The following LARGE1 variants were observed in gnomAD, a reference collection of about 807,000 sequenced individuals.
LARGE1 encodes xylosyl- and glucuronyltransferase LARGE1.
A neutral mutation model predicts 87.6 loss-of-function variants in LARGE1; 43 were observed. The observed-to-expected ratio is 0.49, with a 90% CI of 0.38 to 0.63. The LOEUF (loss-of-function observed/expected upper bound fraction) is 0.63, where lower values mean the gene tolerates loss of function less well. Ranked by LOEUF, LARGE1 falls within the 30% of genes least tolerant of loss-of-function variation. The pLI, the probability that LARGE1 is intolerant of heterozygous loss-of-function variation, is 0.00. For synonymous variants in LARGE1, 434 were observed against 394.6 expected (o/e 1.10, Z -1.18); for missense variants, 802 against 1,000.2 (o/e 0.80, Z 2.67).
At chr22:33,651,409 A>AG (rs1363317602) in intron 2 of LARGE1, among the ~76,000 whole-genome samples, 3 of 149,936 alleles carry the variant, frequency 2.0e-5, no homozygotes, top group Admixed American at 6.6e-5. Context: ...AAAAAAAAAA[A>AG]AGAAAAAAGA....
the LARGE1 span, among the ~76,000 whole-genome samples, chr22:33,147,444 GTGAGTT>G: frequency 6.6e-6 from 1 of 152,032 alleles, no homozygotes; most frequent in Non-Finnish European, 1.5e-5. Flanking sequence ...AACCATTTTG[GTGAGTT>G]TATAGAGTAT....
chr22:33,457,708 C>T (rs1417548991), intron 6 of LARGE1, among the ~76,000 whole-genome samples: 1 of 151,672 alleles, frequency 6.6e-6, no homozygotes, highest in Non-Finnish European at 1.5e-5. Context: ...TTTTTTTGCA[C>T]CTGAGGGAGC....
intron 1 of LARGE1, among the ~76,000 whole-genome samples, chr22:33,777,169 G>A (rs1217600056): frequency 6.6e-6 from 1 of 152,090 alleles, no homozygotes; most frequent in Non-Finnish European, 1.5e-5. Context: ...TGAAAGGCTG[G>A]AACCACACAG....
At chr22:33,914,523 T>C (rs964219755) in intron 1 of LARGE1, among the ~76,000 whole-genome samples, 8 of 152,234 alleles carry the variant, frequency 5.3e-5, no homozygotes, top group African/African-American at 1.9e-4. Flanking sequence ...CAGTGTAACA[T>C]TTCAGAACTA....
intron 5 of LARGE1, among the ~76,000 whole-genome samples, chr22:33,588,084 C>A (rs761797411): frequency 6.6e-6 from 1 of 152,156 alleles, no homozygotes; most frequent in East Asian, 1.9e-4. Flanking sequence ...AATGAAACAG[C>A]CTCAAAATTC....
chr22:33,209,647 G>A (rs5998809), intron 11 of LARGE1, among the ~76,000 whole-genome samples: 3,360 of 152,056 alleles, frequency 0.022, 131 homozygotes, highest in African/African-American at 0.077. Flanking sequence ...GTTCTCAATC[G>A]TTTCTTTTAA....
At chr22:33,787,958 A>G (rs1279086164) in intron 1 of LARGE1, among the ~76,000 whole-genome samples, 1 of 152,190 alleles carries the variant, frequency 6.6e-6, no homozygotes, top group Non-Finnish European at 1.5e-5. Context: ...GATGTGGCCA[A>G]ACACTATAAA....
At chr22:33,698,000 C>T (rs911157252) in intron 2 of LARGE1, among the ~76,000 whole-genome samples, 10 of 152,200 alleles carry the variant, frequency 6.6e-5, no homozygotes, top group Non-Finnish European at 1.2e-4. Flanking sequence ...ACTCAACTCA[C>T]CGCAGTAAAC....
At chr22:33,395,725 A>G (rs2065717550) in intron 7 of LARGE1, among the ~76,000 whole-genome samples, 1 of 152,234 alleles carries the variant, frequency 6.6e-6, no homozygotes, top group African/African-American at 2.4e-5. Flanking sequence ...AATGAGGTTC[A>G]GAGGAAGTTT....
intron 2 of LARGE1, among the ~76,000 whole-genome samples, chr22:33,705,114 G>A (rs374555850): frequency 3.9e-5 from 6 of 152,096 alleles, no homozygotes; most frequent in African/African-American, 1.4e-4. Flanking sequence ...AAAGCTACAC[G>A]TCTCATGCGT....
intron 6 of LARGE1, among the ~76,000 whole-genome samples, chr22:33,448,523 C>T (rs918577157): frequency 1.1e-4 from 16 of 152,220 alleles, no homozygotes; most frequent in Non-Finnish European, 2.2e-4. Flanking sequence ...AGGACACAGT[C>T]TTCAGAGCTC....
At chr22:33,310,257 C>T (rs767929021) in intron 11 of LARGE1, among the ~76,000 whole-genome samples, 5 of 152,332 alleles carry the variant, frequency 3.3e-5, no homozygotes, top group Non-Finnish European at 4.4e-5. Context: ...CTCTCCTTTA[C>T]TCAGAGAGAG....
rs530563656 is a variant in LARGE1, at chr22:33,655,720, C to T, written c.107-5052G>A. Among the ~76,000 whole-genome samples, 8 of 152,248 alleles carry T rather than the reference C, an allele frequency of 5.3e-5. No homozygotes were observed. In the East Asian group the frequency reaches 1.5e-3, roughly 29 times the overall value. On this transcript the variant is annotated intron_variant, in intron 2 of 14. Coordinates refer to ENST00000397394, the MANE Select transcript of LARGE1 (RefSeq NM_133642.5). The stretch of plus-strand genomic sequence containing the variant: ...GTCTCCATCCCCAGGTCCTGGCATG[C>T]TCCCTATACTTAGCAAGCATTTGAG...
At position 33,854,316 on chromosome 22, in the gene LARGE1, A is replaced by G. The variant is rs541078922; in HGVS notation, c.-83+65679T>C. On this transcript the variant is annotated intron_variant, in intron 1 of 14. Coordinates refer to ENST00000397394, the MANE Select transcript of LARGE1 (RefSeq NM_133642.5). Reference sequence around the variant, plus strand: ...AATATAAAACAAATTCTAAAATAAAAGTGACTATTAATTACTTCAGCAGTT... The same window carrying G: ...AATATAAAACAAATTCTAAAATAAAGGTGACTATTAATTACTTCAGCAGTT... Among the ~76,000 whole-genome samples the G allele has an allele frequency of 2.6e-5, 4 of 152,118 alleles. No individual in the cohort carries two copies. In the East Asian group the frequency reaches 7.7e-4, roughly 29 times the overall value.
intron 2 of LARGE1, among the ~76,000 whole-genome samples, chr22:33,696,407 C>T (rs752048514): frequency 6.6e-6 from 1 of 151,622 alleles, no homozygotes; most frequent in Non-Finnish European, 1.5e-5. Context: ...GGACTACAGG[C>T]ACTTGCCACC....
chr22:33,178,239 G>C (rs1922984355), intron 11 of LARGE1, among the ~76,000 whole-genome samples: 1 of 152,168 alleles, frequency 6.6e-6, no homozygotes, highest in African/African-American at 2.4e-5. Context: ...ACACACAAAA[G>C]TTTTCCTTTG....
At chr22:33,323,456 A>G (rs1936942944) in intron 10 of LARGE1, among the ~76,000 whole-genome samples, 1 of 152,236 alleles carries the variant, frequency 6.6e-6, no homozygotes, top group Non-Finnish European at 1.5e-5. Context: ...GTGAGCGAGA[A>G]GAAGTCCAGG....
chr22:33,486,819 G>A (rs534546408), intron 6 of LARGE1, among the ~76,000 whole-genome samples: 10 of 152,148 alleles, frequency 6.6e-5, no homozygotes, highest in South Asian at 4.2e-4. Flanking sequence ...GAGTGTCTCC[G>A]GCTCTCATCC....
chr22:33,691,286 A>C (rs1294758040), intron 2 of LARGE1, among the ~76,000 whole-genome samples: 2 of 151,948 alleles, frequency 1.3e-5, no homozygotes. Flanking sequence ...GGAGGGAGGG[A>C]GGAGGAGAAG....
Sources: allele counts gnomAD v4.1 joint callset (sites outside exome capture counted in the v4.1 genomes callset), GRCh38; gene constraint gnomAD v4.1.1; transcripts MANE v1.5; gene names NCBI Gene and HGNC (gene_info 2026-07-23, HGNC 2026-07-21).